Variants in DACH1 observed in about 807,000 individuals in gnomAD.
The protein encoded by DACH1 is dachshund family transcription factor 1.
A neutral mutation model predicts 54.2 loss-of-function variants in DACH1; 12 were observed. That is an observed-to-expected ratio of 0.22 (90% CI 0.14 to 0.36). The LOEUF (loss-of-function observed/expected upper bound fraction) is 0.36, where lower values mean the gene tolerates loss of function less well. Among genes scored for constraint, DACH1 ranks in the 10% least tolerant of loss-of-function variants. DACH1 has a pLI of 1.00. For synonymous variants in DACH1, 386 were observed against 366.2 expected, an observed-to-expected ratio of 1.05 and a Z score of -0.62; for missense variants, 805 against 929.8, an observed-to-expected ratio of 0.87 and a Z score of 1.75.
At chr13:71,858,054 T>A (rs1343729326) in intron 1 of DACH1, among the ~76,000 whole-genome samples, 1 of 151,692 alleles carries the variant, frequency 6.6e-6, no homozygotes. Flanking sequence ...CACTATTTCT[T>A]AGTTAACATA....
chr13:71,699,792 A>G (rs1275727125), intron 1 of DACH1, among the ~76,000 whole-genome samples: 1 of 152,240 alleles, frequency 6.6e-6, no homozygotes, highest in Non-Finnish European at 1.5e-5. Flanking sequence ...ATAGGAACGC[A>G]TAACTAACAA....
At chr13:71,816,010 G>A (rs1289752312) in intron 1 of DACH1, among the ~76,000 whole-genome samples, 2 of 151,886 alleles carry the variant, frequency 1.3e-5, no homozygotes, top group East Asian at 1.9e-4. Flanking sequence ...GCATGAACCC[G>A]GGAGGCGGAG....
intron 2 of DACH1, among the ~76,000 whole-genome samples, chr13:71,665,000 C>T (rs1879738244): frequency 1.3e-5 from 2 of 151,874 alleles, no homozygotes; most frequent in Non-Finnish European, 1.5e-5. Context: ...AGATTTACTA[C>T]TAATGAGCAA....
chr13:71,724,383 C>T (rs1162709565), intron 1 of DACH1, among the ~76,000 whole-genome samples: 1 of 152,062 alleles, frequency 6.6e-6, no homozygotes, highest in Non-Finnish European at 1.5e-5. Context: ...ATATAATTTA[C>T]TGAATGAATA....
At chr13:71,539,060 C>T (rs1359786841) in intron 6 of DACH1, among the ~76,000 whole-genome samples, 1 of 151,794 alleles carries the variant, frequency 6.6e-6, no homozygotes, top group Non-Finnish European at 1.5e-5. Flanking sequence ...TCTAAATATT[C>T]AAAATGCAAA....
chr13:71,479,081 C>T, intron 8 of DACH1, 88 bp downstream of exon 8: 1 of 1,265,988 alleles, frequency 7.9e-7, no homozygotes, highest in Non-Finnish European at 1.1e-6. Flanking sequence ...AACAAAAATA[C>T]TACAATTTCA....
intron 1 of DACH1, among the ~76,000 whole-genome samples, chr13:71,812,323 A>G (rs1444131414): frequency 6.6e-6 from 1 of 152,152 alleles, no homozygotes; most frequent in African/African-American, 2.4e-5. Flanking sequence ...TTTCATGTCT[A>G]TTTGTTGTCT....
At chr13:71,794,143 C>T (rs1002652929) in intron 1 of DACH1, among the ~76,000 whole-genome samples, 2 of 152,134 alleles carry the variant, frequency 1.3e-5, no homozygotes, top group Admixed American at 1.3e-4. Context: ...ATTTACCCAG[C>T]CTGTCCAAGC....
intron 6 of DACH1, among the ~76,000 whole-genome samples, chr13:71,547,924 G>A (rs1195853963): frequency 1.3e-5 from 2 of 152,110 alleles, no homozygotes; most frequent in Non-Finnish European, 1.5e-5. Flanking sequence ...AGAAACAACA[G>A]GGGTGTTACT....
At chr13:71,623,281 A>G (rs534334166) in intron 3 of DACH1, among the ~76,000 whole-genome samples, 1 of 151,874 alleles carries the variant, frequency 6.6e-6, no homozygotes, top group East Asian at 1.9e-4. Context: ...CAATTTCTAG[A>G]AAATAATGAA....
At chr13:71,859,033 A>G (rs11839145) in intron 1 of DACH1, among the ~76,000 whole-genome samples, 8,676 of 151,730 alleles carry the variant, frequency 0.057, 313 homozygotes, top group East Asian at 0.11. Flanking sequence ...ACACTTCAAT[A>G]TACTTATAAC....
intron 10 of DACH1, among the ~76,000 whole-genome samples, chr13:71,462,532 T>C (rs1876171881): frequency 6.6e-6 from 1 of 151,710 alleles, no homozygotes; most frequent in Non-Finnish European, 1.5e-5. Context: ...AAAAAAATCA[T>C]TGACTGAGGA....
chr13:71,524,519 G>A (rs955612326), intron 6 of DACH1, among the ~76,000 whole-genome samples: 1 of 152,084 alleles, frequency 6.6e-6, no homozygotes, highest in African/African-American at 2.4e-5. Flanking sequence ...AAGAGCCTAA[G>A]TTAAATAAGG....
chr13:71,739,794 A>G lies in DACH1; in HGVS notation c.849-57884T>C, dbSNP rs149853429. Among the ~76,000 whole-genome samples, 188 of 152,358 alleles carry G rather than the reference A, an allele frequency of 1.2e-3. 2 individuals are homozygous for G. Among genetic ancestry groups the G allele is most frequent in the African/African-American group, 4.3e-3 (180 of 41,582 alleles). ...TATCATCAAGTACAAATAGAAAAAT[A>G]TGAAGGCATTTGAATTAAGAATCAT... On this transcript the variant is annotated intron_variant, in intron 1 of 10. Coordinates refer to ENST00000613252, the MANE Select transcript of DACH1 (RefSeq NM_080759.6).
intron 1 of DACH1, among the ~76,000 whole-genome samples, chr13:71,810,917 G>T (rs1887683708): frequency 6.6e-6 from 1 of 152,022 alleles, no homozygotes; most frequent in African/African-American, 2.4e-5. Context: ...AATGGCTCTT[G>T]TACTCATTAG....
intron 1 of DACH1, among the ~76,000 whole-genome samples, chr13:71,810,932 G>C (rs1220398195): frequency 6.6e-6 from 1 of 152,056 alleles, no homozygotes; most frequent in Non-Finnish European, 1.5e-5. Flanking sequence ...CATTAGTATA[G>C]ATTACCAATA....
chr13:71,809,759 A>T, intron 1 of DACH1, among the ~76,000 whole-genome samples: 1 of 152,194 alleles, frequency 6.6e-6, no homozygotes. Flanking sequence ...TGGGCCTTAT[A>T]AGTGTAGAGG....
chr13:71,756,372 C>T (rs9572778), intron 1 of DACH1, among the ~76,000 whole-genome samples: 18,103 of 151,854 alleles, frequency 0.12, 1,835 homozygotes, highest in East Asian at 0.44. Context: ...ACTTAGACCC[C>T]ATCTACCAGG....
chr13:71,617,432 T>C (rs1875866552), intron 3 of DACH1, among the ~76,000 whole-genome samples: 1 of 152,216 alleles, frequency 6.6e-6, no homozygotes, highest in Non-Finnish European at 1.5e-5. Flanking sequence ...TGCATGAGTT[T>C]ATGATACAGA....
Sources: gnomAD v4.1 joint callset for allele counts (sites outside exome capture counted in the v4.1 genomes callset) on GRCh38, gnomAD v4.1.1 for gene constraint, MANE v1.5 for transcripts, NCBI Gene and HGNC (gene_info 2026-07-23, HGNC 2026-07-21) for gene names.